NDUFS1: variants seen among roughly 807,000 people sequenced by gnomAD.
The protein encoded by NDUFS1 is NADH:ubiquinone oxidoreductase core subunit S1.
Under a neutral mutation model 84.4 loss-of-function variants are expected in NDUFS1, and 61 were observed. That is an observed-to-expected ratio of 0.72 (90% CI 0.59 to 0.89). The LOEUF (loss-of-function observed/expected upper bound fraction) is 0.89. NDUFS1 is among the 40% of genes least tolerant of loss of function. The probability of loss-of-function intolerance (pLI) is 0.00; values close to 1 mark genes in which losing one functional copy is unlikely to be tolerated. For missense variants in NDUFS1, 891 were observed against 890.0 expected, an observed-to-expected ratio of 1.00 and a Z score of -0.01; for synonymous variants, 275 against 290.0, an observed-to-expected ratio of 0.95 and a Z score of 0.53.
chr2:206,125,708 A>G (rs1691267942), intron 18 of NDUFS1, among the ~76,000 whole-genome samples: 1 of 151,592 alleles, frequency 6.6e-6, no homozygotes, highest in South Asian at 2.1e-4. Flanking sequence ...TTTTTACACC[A>G]GTAAACTCAT....
In NDUFS1 at chr2:206,120,773, G is replaced by A. The variant is rs1314489566; in HGVS notation, c.*3412C>T. The A allele has an allele frequency of 2.0e-5, 3 of 152,248 alleles. No homozygotes were observed. The highest frequency in any genetic ancestry group is 4.4e-5 in the Non-Finnish European group (3 of 68,062). The allele number at this position is 152,248 out of a possible 1,614,324, so 9.4% of individuals were successfully genotyped here. ...GGAAAATTCACAGACTAGTCATGTG[G>A]CAGAGAAGGAAAAAGCACTTTGAGG... On this transcript the variant is annotated 3_prime_UTR_variant, in exon 19 of 19. Coordinates refer to ENST00000233190, the MANE Select transcript of NDUFS1 (RefSeq NM_005006.7).
chr2:206,124,913 A>G lies in NDUFS1; in HGVS notation c.2093-637T>C, dbSNP rs567958043. Among the ~76,000 whole-genome samples, 243 of 152,296 alleles carry G rather than the reference A, an allele frequency of 1.6e-3. 2 individuals are homozygous for G. Among genetic ancestry groups the G allele is most frequent in the South Asian group, 6.2e-4 (3 of 4,826 alleles). ...TTATTGAAAAAGGTTACAAAACAGC[A>G]TATGTACTAAAATACATTGAATTGT... On this transcript the variant is annotated intron_variant, in intron 18 of 18. Coordinates refer to ENST00000233190, the MANE Select transcript of NDUFS1 (RefSeq NM_005006.7).
chr2:206,143,956 A>G (rs1692061342), intron 10 of NDUFS1, 62 bp downstream of exon 10: 1 of 1,372,832 alleles, frequency 7.3e-7, no homozygotes, highest in Non-Finnish European at 1.0e-6. Context: ...CCCCCCCTTC[A>G]TGGCAAAGAT....
Position 206,115,106 on chromosome 2 carries a change from A to T in NDUFS1, c.*9079T>A, listed in dbSNP as rs1344035205. The T allele has an allele frequency of 1.3e-5, 2 of 152,244 alleles. No homozygotes were observed. The highest frequency in any genetic ancestry group is 2.9e-5 in the Non-Finnish European group (2 of 68,048). 9.4% of individuals were successfully genotyped at this position (152,244 alleles called of 1,614,324 possible). On this transcript the variant is annotated 3_prime_UTR_variant, in exon 19 of 19. Transcript: ENST00000233190. ...ATTGCAAATGTACATCCTTTGTCTCATGATGAATCATGCCTTGAGTCTCAC... is the reference window on the plus strand; with the variant it reads ...ATTGCAAATGTACATCCTTTGTCTCTTGATGAATCATGCCTTGAGTCTCAC...
rs1691125061 is a variant in NDUFS1 at position 206,122,485 on chromosome 2, CAG to C, written c.*1698_*1699del. 1.3e-5 allele frequency: 2 copies of C among 151,416 alleles called. No individual in the cohort carries two copies. The highest frequency in any genetic ancestry group is 2.9e-5 in the Non-Finnish European group (2 of 67,912). The allele number at this position is 151,416 out of a possible 1,614,324, so 9.4% of individuals were successfully genotyped here. A position where few individuals can be genotyped will look rare whatever the true frequency, so the allele number is the denominator to read the frequency against. ...CTCTACTAAAAATACAAAAATTAGC[CAG>C]GTGTGGTGGCGTGCGCTTGTAATCC... On this transcript the variant is annotated 3_prime_UTR_variant, in exon 19 of 19. Transcript: ENST00000233190.
chr2:206,143,909 A>C (rs1369664586), intron 10 of NDUFS1, 109 bp downstream of exon 10: 2 of 876,928 alleles, frequency 2.3e-6, no homozygotes, highest in Non-Finnish European at 3.7e-6. Context: ...ATTAAATCAT[A>C]ATCTTGGTAA....
At chr2:206,141,168 T>G (rs1026465968) in intron 12 of NDUFS1, among the ~76,000 whole-genome samples, 1 of 151,954 alleles carries the variant, frequency 6.6e-6, no homozygotes, top group African/African-American at 2.4e-5. Flanking sequence ...GTAATCCCAG[T>G]ACTTTGGGAG....
At position 206,116,644 on chromosome 2, in the gene NDUFS1, G is replaced by A. The variant is rs554877616; in HGVS notation, c.*7541C>T. 8 of 433,964 alleles carry A rather than the reference G, an allele frequency of 1.8e-5. No homozygotes were observed. Among genetic ancestry groups the A allele is most frequent in the African/African-American group, 1.4e-4 (7 of 49,656 alleles). The allele number at this position is 433,964 out of a possible 1,614,324, so 26.9% of individuals were successfully genotyped here. A position where few individuals can be genotyped will look rare whatever the true frequency, so the allele number is the denominator to read the frequency against. ...CTCACATGTGTAATTCCAGAACTTT[G>A]GGAGGTCAAGGTGGGAGGAGCGCCT... On this transcript the variant is annotated 3_prime_UTR_variant, in exon 19 of 19. Coordinates refer to ENST00000233190, the MANE Select transcript of NDUFS1 (RefSeq NM_005006.7).
At chr2:206,126,662 C>G in intron 17 of NDUFS1, 48 bp downstream of exon 17, 1 of 1,613,942 alleles carries the variant, frequency 6.2e-7, no homozygotes, top group Non-Finnish European at 8.5e-7. Context: ...AGTACTGTTA[C>G]ACCAGTAGAT....
intron 9 of NDUFS1, 26 bp downstream of exon 9, chr2:206,144,866 G>C: frequency 6.2e-7 from 1 of 1,608,370 alleles, no homozygotes; most frequent in African/African-American, 1.3e-5. Flanking sequence ...AACTGTAAAA[G>C]TTAAGGAAAA....
chr2:206,151,352 T>C (rs1692364102), intron 3 of NDUFS1, among the ~76,000 whole-genome samples: 1 of 152,342 alleles, frequency 6.6e-6, no homozygotes, highest in Admixed American at 6.5e-5. Flanking sequence ...TATGACAAGC[T>C]ATCTGCCTTA....
chr2:206,150,357 G>C (rs1692327250), intron 3 of NDUFS1, among the ~76,000 whole-genome samples: 1 of 152,080 alleles, frequency 6.6e-6, no homozygotes, highest in Admixed American at 6.6e-5. Flanking sequence ...ATGCTACCCA[G>C]GACTCACCTC....
At chr2:206,126,659 T>C in intron 17 of NDUFS1, 48 bp from the exon 18 acceptor site, 2 of 1,613,962 alleles carry the variant, frequency 1.2e-6, no homozygotes, top group Non-Finnish European at 1.7e-6. Context: ...ACTAGTACTG[T>C]TACACCAGTA....
intron 11 of NDUFS1, 74 bp downstream of exon 11, chr2:206,142,612 G>A (rs1575975993): frequency 4.5e-6 from 7 of 1,567,036 alleles, no homozygotes; most frequent in Non-Finnish European, 5.3e-6. Context: ...GAGAATCCAG[G>A]TTGTCACATT....
chr2:206,158,176 ATGGTCTCGATCTCC>A lies in NDUFS1; in HGVS notation c.-5+1151_-5+1164del, dbSNP rs1687747987. On this transcript the variant is annotated intron_variant, in intron 1 of 18. Transcript: ENST00000233190. ...ACAGGGTTTCACCGTGTTAGCCAGG[ATGGTCTCGATCTCC>A]TGGCCTCGTGATCCGCCCGCCTCGG... 2.0e-5 allele frequency among the ~76,000 whole-genome samples: 3 copies of A among 151,942 alleles called. No homozygotes were observed. In the South Asian group the frequency reaches 6.2e-4, roughly 32 times the overall value.
intron 3 of NDUFS1, among the ~76,000 whole-genome samples, chr2:206,151,449 C>T (rs978260541): frequency 6.6e-6 from 1 of 152,190 alleles, no homozygotes; most frequent in Non-Finnish European, 1.5e-5. Flanking sequence ...TCAGGGATGA[C>T]CTGAGGCACC....
chr2:206,132,919 G>A (rs1396120002), intron 14 of NDUFS1, 26 bp downstream of exon 14: 8 of 1,586,546 alleles, frequency 5.0e-6, no homozygotes, highest in Admixed American at 1.7e-5. Flanking sequence ...TGAATTTATA[G>A]TATATAAAGC....
intron 14 of NDUFS1, among the ~76,000 whole-genome samples, chr2:206,131,138 C>T (rs1183115499): frequency 6.6e-6 from 1 of 152,112 alleles, no homozygotes; most frequent in African/African-American, 2.4e-5. Context: ...AGTAGCCATT[C>T]TGAGGACCTA....
chr2:206,154,505 T>C, intron 1 of NDUFS1, among the ~76,000 whole-genome samples: 1 of 152,214 alleles, frequency 6.6e-6, no homozygotes, highest in Non-Finnish European at 1.5e-5. Context: ...AGTGCTGAAG[T>C]TGAGACACTG....
Sources: gnomAD v4.1 joint callset for allele counts (sites outside exome capture counted in the v4.1 genomes callset) on GRCh38, gnomAD v4.1.1 for gene constraint, MANE v1.5 for transcripts, NCBI Gene and HGNC (gene_info 2026-07-23, HGNC 2026-07-21) for gene names.